Variants in CNBD1 observed in about 807,000 individuals in gnomAD.
CNBD1 encodes cyclic nucleotide-binding domain-containing protein 1.
In CNBD1, 71 loss-of-function variants were observed where a neutral mutation model predicts 54.4. The observed-to-expected ratio is 1.30, with a 90% CI of 1.08 to 1.59. CNBD1 has a LOEUF of 1.59. CNBD1 is among the 40% of genes most tolerant of loss of function. CNBD1 has a pLI of 0.00. For synonymous variants in CNBD1, 182 were observed against 170.7 expected, an observed-to-expected ratio of 1.07 and a Z score of -0.51; for missense variants, 659 against 518.0, an observed-to-expected ratio of 1.27 and a Z score of -2.64.
intron 4 of CNBD1, among the ~76,000 whole-genome samples, chr8:87,004,102 A>G (rs1809047078): frequency 6.6e-6 from 1 of 152,234 alleles, no homozygotes; most frequent in South Asian, 2.1e-4. Context: ...AGTGAATATC[A>G]ATGAACTATT....
chr8:87,324,165 G>A (rs1476948837), intron 8 of CNBD1, among the ~76,000 whole-genome samples: 7 of 125,016 alleles, frequency 5.6e-5, no homozygotes, highest in Non-Finnish European at 8.9e-5. Context: ...ACTTGATCAT[G>A]GTGGATAAGC....
chr8:87,252,271 T>G (rs117746160), intron 6 of CNBD1, among the ~76,000 whole-genome samples: 263 of 152,316 alleles, frequency 1.7e-3, no homozygotes, highest in Non-Finnish European at 3.0e-3. Context: ...TCCCTTCATA[T>G]CTAAGTATAT....
chr8:87,390,404 A>C (rs1289874904), intron 2 of CNBD1, among the ~76,000 whole-genome samples: 1 of 152,238 alleles, frequency 6.6e-6, no homozygotes, highest in Non-Finnish European at 1.5e-5. Flanking sequence ...ATTTACAAGA[A>C]AAAACCCCAT....
intron 5 of CNBD1, among the ~76,000 whole-genome samples, chr8:87,230,607 A>G (rs1007035821): frequency 9.9e-5 from 15 of 152,160 alleles, no homozygotes; most frequent in Non-Finnish European, 1.8e-4. Context: ...TGGTTTCTTC[A>G]TCTGCAATAT....
chr8:87,333,530 T>C (rs1310732930), intron 8 of CNBD1, among the ~76,000 whole-genome samples: 1 of 152,158 alleles, frequency 6.6e-6, no homozygotes, highest in African/African-American at 2.4e-5. Flanking sequence ...ATAGCTCTTA[T>C]TATTTTGAGA....
At chr8:87,317,350 G>A (rs1265957673) in intron 8 of CNBD1, among the ~76,000 whole-genome samples, 3 of 151,296 alleles carry the variant, frequency 2.0e-5, no homozygotes, top group Admixed American at 6.6e-5. Flanking sequence ...TGCTTTTGAT[G>A]TATACACACA....
intron 4 of CNBD1, among the ~76,000 whole-genome samples, chr8:87,184,785 C>T (rs1172465311): frequency 6.6e-6 from 1 of 152,076 alleles, no homozygotes; most frequent in Non-Finnish European, 1.5e-5. Context: ...TCAGAGTCTG[C>T]TGGTGTACTT....
Position 87,353,624 on chromosome 8 carries a change from T to G in CNBD1, c.1153-12T>G, listed in dbSNP as rs748627429. 5.2e-6 allele frequency: 8 copies of G among 1,525,356 alleles called. No individual in the cohort carries two copies. Among genetic ancestry groups the G allele is most frequent in the Non-Finnish European group, 7.1e-6 (8 of 1,118,932 alleles). 94.5% of individuals were successfully genotyped at this position (1,525,356 alleles called of 1,614,324 possible). On this transcript the variant is annotated splice_polypyrimidine_tract_variant and intron_variant, in intron 9 of 10. Transcript: ENST00000518476. ...AGTTGCATTAAACATCAATAATATA[T>G]TTTTTTAACAGAAAAGATCTCAAAA... is the stretch of plus-strand genomic sequence containing the variant.
At chr8:86,987,361 A>G (rs377578173) in intron 4 of CNBD1, among the ~76,000 whole-genome samples, 2 of 152,174 alleles carry the variant, frequency 1.3e-5, no homozygotes, top group Admixed American at 6.6e-5. Flanking sequence ...CTGATTTTGT[A>G]TCCTGAGACT....
intron 8 of CNBD1, among the ~76,000 whole-genome samples, chr8:87,306,326 G>T (rs2130886849): frequency 6.6e-6 from 1 of 152,254 alleles, no homozygotes. Context: ...AGCTGCTATG[G>T]AAAACAGTGT....
chr8:86,964,638 T>G (rs1273471837), intron 4 of CNBD1, among the ~76,000 whole-genome samples: 1 of 152,222 alleles, frequency 6.6e-6, no homozygotes, highest in Non-Finnish European at 1.5e-5. Flanking sequence ...GGACCGTGTT[T>G]ACCACACATC....
intron 1 of CNBD1, among the ~76,000 whole-genome samples, chr8:86,881,799 G>C (rs188788199): frequency 1.4e-4 from 21 of 152,170 alleles, no homozygotes; most frequent in African/African-American, 3.9e-4. Context: ...AAACAGCATG[G>C]TACCAGTACA....
chr8:86,984,279 T>C (rs1463871155), intron 4 of CNBD1, among the ~76,000 whole-genome samples: 3 of 152,184 alleles, frequency 2.0e-5, no homozygotes, highest in African/African-American at 7.2e-5. Flanking sequence ...ACAGGATGTG[T>C]AGAAACACCT....
In CNBD1 at chr8:87,194,859, C is replaced by CT. The variant is rs1368037381; in HGVS notation, c.432-11127dup. ...ACATGATTTGTTCTTCATGTAGTGT[C>CT]TTTTTTTGTTGTTTTTTGTTTTGTT... On this transcript the variant is annotated intron_variant, in intron 4 of 10. Coordinates refer to ENST00000518476, the MANE Select transcript of CNBD1 (RefSeq NM_173538.3). 1.2e-3 allele frequency among the ~76,000 whole-genome samples: 182 copies of CT among 150,216 alleles called. 2 individuals are homozygous for CT. The highest frequency in any genetic ancestry group is 3.5e-3 in the African/African-American group (143 of 40,884).
chr8:87,003,973 A>G (rs1326428624), intron 4 of CNBD1, among the ~76,000 whole-genome samples: 1 of 152,210 alleles, frequency 6.6e-6, no homozygotes, highest in Non-Finnish European at 1.5e-5. Flanking sequence ...CAAGAACCAT[A>G]GGGAAAGAAC....
intron 4 of CNBD1, among the ~76,000 whole-genome samples, chr8:87,154,629 CT>C (rs1008560071): frequency 2.0e-5 from 3 of 152,114 alleles, no homozygotes; most frequent in African/African-American, 7.2e-5. Flanking sequence ...TGCTGTTTAA[CT>C]TTATTTCATA....
intron 8 of CNBD1, among the ~76,000 whole-genome samples, chr8:87,327,133 G>C (rs1187768787): frequency 1.4e-5 from 2 of 143,162 alleles, no homozygotes; most frequent in Non-Finnish European, 1.5e-5. Context: ...AGGGGTCAGG[G>C]ACCCACTTGA....
intron 4 of CNBD1, among the ~76,000 whole-genome samples, chr8:87,150,728 G>T (rs917263659): frequency 6.6e-6 from 1 of 152,140 alleles, no homozygotes; most frequent in East Asian, 1.9e-4. Flanking sequence ...AATGTGATTA[G>T]CCCATTTGTG....
intron 4 of CNBD1, among the ~76,000 whole-genome samples, chr8:87,131,037 T>C (rs1812107886): frequency 6.6e-6 from 1 of 152,148 alleles, no homozygotes; most frequent in Admixed American, 6.5e-5. Context: ...ACATAATATG[T>C]ATCTGTCCAT....
Sources: allele counts gnomAD v4.1 joint callset (sites outside exome capture counted in the v4.1 genomes callset), GRCh38; gene constraint gnomAD v4.1.1; transcripts MANE v1.5; gene names NCBI Gene and HGNC (gene_info 2026-07-23, HGNC 2026-07-21).